The following GUCY1A2 variants were observed in gnomAD, a reference collection of about 807,000 sequenced individuals.
GUCY1A2 encodes guanylate cyclase soluble subunit alpha-2.
GUCY1A2 carries 27 observed loss-of-function variants against 63.5 expected under a neutral mutation model. The observed-to-expected ratio is 0.43, with a 90% CI of 0.31 to 0.59. The LOEUF is 0.59. Ranked by LOEUF, GUCY1A2 falls within the 20% of genes least tolerant of loss-of-function variation. GUCY1A2 has a pLI of 0.11. For missense variants in GUCY1A2, 768 were observed against 913.3 expected, an observed-to-expected ratio of 0.84 and a Z score of 2.05; for synonymous variants, 364 against 343.5, an observed-to-expected ratio of 1.06 and a Z score of -0.66.
At chr11:106,942,031 C>T (rs1860758581) in intron 3 of GUCY1A2, among the ~76,000 whole-genome samples, 1 of 152,138 alleles carries the variant, frequency 6.6e-6, no homozygotes, top group African/African-American at 2.4e-5. Context: ...TAATGTCAGC[C>T]AGAATAGACA....
chr11:106,709,452 CTA>C (rs1863003891), intron 6 of GUCY1A2, among the ~76,000 whole-genome samples: 2 of 86,938 alleles, frequency 2.3e-5, no homozygotes, highest in African/African-American at 4.8e-5. Flanking sequence ...AATATATATT[CTA>C]TATTTATAGA....
At position 106,694,744 on chromosome 11, in the gene GUCY1A2, C is replaced by T. The variant is rs1312423119; in HGVS notation, c.1992-6988G>A. ...CTGTGGCCACGGCTCCTGACCTAGA[C>T]TATTACAGTTCCCGTGGTGAGCACA... is the stretch of plus-strand genomic sequence containing the variant. On this transcript the variant is annotated intron_variant, in intron 7 of 7. Transcript: ENST00000526355. Among the ~76,000 whole-genome samples the T allele has an allele frequency of 5.3e-5, 8 of 152,266 alleles. No individual in the cohort carries two copies. In the East Asian group the frequency reaches 1.5e-3, roughly 29 times the overall value.
At chr11:106,750,411 A>C (rs1863862729) in intron 6 of GUCY1A2, among the ~76,000 whole-genome samples, 1 of 152,036 alleles carries the variant, frequency 6.6e-6, no homozygotes, top group African/African-American at 2.4e-5. Flanking sequence ...CACACCCAGA[A>C]ACAATGCTTC....
At chr11:106,913,893 T>C (rs1479060914) in intron 4 of GUCY1A2, among the ~76,000 whole-genome samples, 4 of 150,036 alleles carry the variant, frequency 2.7e-5, no homozygotes, top group Non-Finnish European at 5.9e-5. Context: ...AAGTACTAAA[T>C]GTTAATCGGC....
At chr11:106,806,509 C>T (rs1858688675) in intron 5 of GUCY1A2, among the ~76,000 whole-genome samples, 1 of 152,162 alleles carries the variant, frequency 6.6e-6, no homozygotes, top group South Asian at 2.1e-4. Flanking sequence ...CTTCAATAGT[C>T]AATGCCATTA....
chr11:106,968,029 A>T (rs963495310), intron 3 of GUCY1A2, among the ~76,000 whole-genome samples: 9 of 152,310 alleles, frequency 5.9e-5, no homozygotes, highest in African/African-American at 2.2e-4. Flanking sequence ...CAGGATTTTA[A>T]AGTACCAACT....
At chr11:106,690,617 C>T (rs570192193) in intron 7 of GUCY1A2, among the ~76,000 whole-genome samples, 4 of 152,182 alleles carry the variant, frequency 2.6e-5, no homozygotes, top group South Asian at 2.1e-4. Context: ...ATCTGTACAA[C>T]GAACCCCCAT....
intron 5 of GUCY1A2, among the ~76,000 whole-genome samples, chr11:106,783,822 G>A (rs576956092): frequency 1.2e-4 from 19 of 152,238 alleles, no homozygotes; most frequent in African/African-American, 4.6e-4. Flanking sequence ...TGGCCCCTAC[G>A]CATGACCTTG....
At position 106,676,612 on chromosome 11, in the gene GUCY1A2, T is replaced by G; in HGVS notation, c.*10937A>C. On this transcript the variant is annotated 3_prime_UTR_variant, in exon 8 of 8. Transcript: ENST00000526355. ...AACATCATACTATGCCAAGCTGAAT[T>G]ACAGAAGGGTATCTAAGAAAGAAGA... 1 of 188,826 alleles carries G rather than the reference T, an allele frequency of 5.3e-6. No homozygotes were observed. Among genetic ancestry groups the G allele is most frequent in the Admixed American group, 6.2e-5 (1 of 16,170 alleles). The allele number at this position is 188,826 out of a possible 1,614,324, so 11.7% of individuals were successfully genotyped here.
chr11:106,925,969 A>G (rs1380091682), intron 4 of GUCY1A2, among the ~76,000 whole-genome samples: 1 of 152,208 alleles, frequency 6.6e-6, no homozygotes, highest in Admixed American at 6.5e-5. Context: ...AGGAAATATA[A>G]TTGAAAATTA....
intron 4 of GUCY1A2, among the ~76,000 whole-genome samples, chr11:106,815,010 G>A (rs1487981121): frequency 6.6e-6 from 1 of 151,924 alleles, no homozygotes; most frequent in East Asian, 1.9e-4. Context: ...TTTAAAGAGG[G>A]CATAAGAAAA....
intron 5 of GUCY1A2, among the ~76,000 whole-genome samples, chr11:106,804,346 A>C (rs2135420748): frequency 6.6e-6 from 1 of 152,370 alleles, no homozygotes. Flanking sequence ...GATCATTAAA[A>C]GAGAAAATAT....
At position 106,915,680 on chromosome 11, in the gene GUCY1A2, C is replaced by A. The variant is rs1860361034; in HGVS notation, c.1206+23780G>T. Among the ~76,000 whole-genome samples the A allele has an allele frequency of 1.4e-5, 2 of 145,038 alleles. 1 individual carries two copies. Among genetic ancestry groups the A allele is most frequent in the South Asian group, 4.8e-4 (2 of 4,154 alleles). The stretch of plus-strand genomic sequence containing the variant: ...GCATTTCTAAGTTACTTACAGAGAT[C>A]ATAGAAAAAGGGTGCTTCTTCGTTC... On this transcript the variant is annotated intron_variant, in intron 4 of 7. Transcript: ENST00000526355.
chr11:106,870,102 T>C (rs1330798570), intron 4 of GUCY1A2, among the ~76,000 whole-genome samples: 3 of 59,500 alleles, frequency 5.0e-5, no homozygotes, highest in Non-Finnish European at 9.3e-5. Flanking sequence ...CCAGGGCCTC[T>C]TGTGAGGGGG....
intron 4 of GUCY1A2, chr11:106,827,522 T>C: frequency 6.8e-7 from 1 of 1,469,900 alleles, no homozygotes; most frequent in African/African-American, 1.4e-5. Flanking sequence ...ACATAAGGAT[T>C]TCCTTCACAT....
chr11:106,915,265 T>C lies in GUCY1A2; in HGVS notation c.1206+24195A>G, dbSNP rs558068818. ...TTATTAAAAGTAATAATAGTAACAA[T>C]GTATTGCCTGAATATAGCCTGTGGA... On this transcript the variant is annotated intron_variant, in intron 4 of 7. Coordinates refer to ENST00000526355, the MANE Select transcript of GUCY1A2 (RefSeq NM_000855.3). Among the ~76,000 whole-genome samples the C allele has an allele frequency of 1.2e-4, 19 of 152,226 alleles. No individual in the cohort carries two copies. In the South Asian group the frequency reaches 3.9e-3, roughly 32 times the overall value.
chr11:106,870,113 G>GGT (rs1859655654), intron 4 of GUCY1A2, among the ~76,000 whole-genome samples: 1 of 128,058 alleles, frequency 7.8e-6, no homozygotes, highest in Non-Finnish European at 1.6e-5. Context: ...TGTGAGGGGG[G>GGT]GGGAGGGGGG....
intron 7 of GUCY1A2, among the ~76,000 whole-genome samples, chr11:106,702,582 A>G (rs1457815070): frequency 6.6e-6 from 1 of 152,114 alleles, no homozygotes; most frequent in Non-Finnish European, 1.5e-5. Context: ...TCAGTCCTAC[A>G]CTAGATTCCT....
chr11:106,885,174 T>C (rs147179663), intron 4 of GUCY1A2, among the ~76,000 whole-genome samples: 63 of 152,278 alleles, frequency 4.1e-4, no homozygotes, highest in Non-Finnish European at 8.2e-4. Context: ...TGATAACATT[T>C]ACCAGGGCTC....
Sources: allele counts gnomAD v4.1 joint callset (sites outside exome capture counted in the v4.1 genomes callset), GRCh38; gene constraint gnomAD v4.1.1; transcripts MANE v1.5; gene names NCBI Gene and HGNC (gene_info 2026-07-23, HGNC 2026-07-21).